The following KREMEN1 variants were observed in gnomAD, a reference collection of about 807,000 sequenced individuals.
The protein encoded by KREMEN1 is kringle containing transmembrane protein 1.
Under a neutral mutation model 46.5 loss-of-function variants are expected in KREMEN1, and 30 were observed. The ratio of observed to expected loss-of-function variants is 0.65; its 90% CI spans 0.48 to 0.88. KREMEN1 has a LOEUF of 0.88. KREMEN1 is among the 40% of genes least tolerant of loss of function. KREMEN1 has a pLI of 0.00. For synonymous variants in KREMEN1, 214 were observed against 230.6 expected, an observed-to-expected ratio of 0.93 and a Z score of 0.65; for missense variants, 533 against 596.9, an observed-to-expected ratio of 0.89 and a Z score of 1.11.
At chr22:29,121,223 T>C in intron 3 of KREMEN1, 134 bp from the exon 4 acceptor site, 1 of 969,966 alleles carries the variant, frequency 1.0e-6, no homozygotes, top group Admixed American at 2.5e-5. Context: ...TCAAAGCTGG[T>C]TGCTTGTTGT....
At position 29,073,281 on chromosome 22, in the gene KREMEN1, C is replaced by A. The variant is rs1458083492; in HGVS notation, c.97+54C>A. 9.9e-6 allele frequency: 8 copies of A among 806,512 alleles called. No individual in the cohort carries two copies. Among genetic ancestry groups the A allele is most frequent in the Admixed American group, 4.9e-5 (1 of 20,454 alleles). 50.0% of individuals were successfully genotyped at this position (806,512 alleles called of 1,614,324 possible). A position where few individuals can be genotyped will look rare whatever the true frequency, so the allele number is the denominator to read the frequency against. Reference sequence around the variant, plus strand: ...CCCTGAGCGGAGCCCACTCGAGGGGCGACAAGGGCCGGCCGGCCTGAGAGC... The same window carrying A: ...CCCTGAGCGGAGCCCACTCGAGGGGAGACAAGGGCCGGCCGGCCTGAGAGC... On this transcript the variant is annotated intron_variant, in intron 1 of 8. Transcript: ENST00000400335. This position sits in a 1 kb window ranked among gnomAD's most constrained non-coding sequence, Gnocchi z 4.4.
At chr22:29,114,538 C>T (rs1022642524) in intron 3 of KREMEN1, among the ~76,000 whole-genome samples, 2 of 151,042 alleles carry the variant, frequency 1.3e-5, no homozygotes, top group Admixed American at 6.6e-5. Context: ...CTACATCTCC[C>T]TCTGCCATGT....
At chr22:29,124,567 A>G (rs993173639) in intron 4 of KREMEN1, among the ~76,000 whole-genome samples, 6 of 151,152 alleles carry the variant, frequency 4.0e-5, no homozygotes, top group African/African-American at 1.5e-4. Context: ...GTCTCGGCTC[A>G]CTGCAACATC....
rs147052767 is a variant in KREMEN1 at position 29,121,806 on chromosome 22, C to T, written c.477+325C>T. ...CTATACCAATAACCACTGAAATATA[C>T]ACTGAAACAGTGAATGTTATGTTAT... On this transcript the variant is annotated intron_variant, in intron 4 of 8. Coordinates refer to ENST00000400335, the MANE Select transcript of KREMEN1 (RefSeq NM_001039570.3). 1.5e-3 allele frequency among the ~76,000 whole-genome samples: 223 copies of T among 152,290 alleles called. 2 individuals are homozygous for T. Among genetic ancestry groups the T allele is most frequent in the African/African-American group, 5.2e-3 (216 of 41,556 alleles).
At chr22:29,083,348 CT>C (rs2037685495) in intron 1 of KREMEN1, among the ~76,000 whole-genome samples, 1 of 152,162 alleles carries the variant, frequency 6.6e-6, no homozygotes, top group Non-Finnish European at 1.5e-5. Context: ...GAGTCAGTGA[CT>C]TTTGACTATT....
intron 3 of KREMEN1, among the ~76,000 whole-genome samples, chr22:29,102,174 C>CTTGTGTA (rs1428547094): frequency 6.6e-6 from 1 of 152,172 alleles, no homozygotes; most frequent in Non-Finnish European, 1.5e-5. Flanking sequence ...TGTATGGGAT[C>CTTGTGTA]TGGCAACCCT....
intron 3 of KREMEN1, among the ~76,000 whole-genome samples, chr22:29,104,309 A>T (rs1157854569): frequency 6.6e-6 from 1 of 152,076 alleles, no homozygotes. Context: ...GGCACATGCC[A>T]TCACACCTGG....
intron 1 of KREMEN1, among the ~76,000 whole-genome samples, chr22:29,074,267 A>C (rs1490023639): frequency 6.6e-6 from 1 of 152,226 alleles, no homozygotes; most frequent in Non-Finnish European, 1.5e-5. Context: ...CCTATGACTC[A>C]GGTGATGGCG....
At chr22:29,126,043 T>C (rs893957638) in intron 5 of KREMEN1, among the ~76,000 whole-genome samples, 23 of 151,626 alleles carry the variant, frequency 1.5e-4, no homozygotes, top group Non-Finnish European at 2.8e-4. Flanking sequence ...ACCAGCATCC[T>C]CTCAGTGGCA....
chr22:29,089,025 C>G (rs1360398459), intron 1 of KREMEN1, among the ~76,000 whole-genome samples: 1 of 152,212 alleles, frequency 6.6e-6, no homozygotes. Flanking sequence ...TCTCAGTCAT[C>G]ATTGCCAAGT....
chr22:29,136,549 TGGGAGACAGACGGA>T (rs1315950103), intron 5 of KREMEN1, among the ~76,000 whole-genome samples: 1 of 148,350 alleles, frequency 6.7e-6, no homozygotes, highest in Admixed American at 6.7e-5. Context: ...CACTCCAGCC[TGGGAGACAGACGGA>T]GACTCCTTCT....
intron 4 of KREMEN1, 73 bp downstream of exon 4, chr22:29,121,554 A>T (rs921921687): frequency 2.6e-6 from 4 of 1,515,882 alleles, no homozygotes; most frequent in Non-Finnish European, 3.6e-6. Context: ...ATAACTTAAA[A>T]ATAAGTGCTA....
chr22:29,165,267 C>T (rs577786044), intron 9 of KREMEN1, among the ~76,000 whole-genome samples: 7 of 151,962 alleles, frequency 4.6e-5, no homozygotes, highest in Non-Finnish European at 7.4e-5. Flanking sequence ...AAAAATAGCC[C>T]GATGTGGTAG....
intron 3 of KREMEN1, among the ~76,000 whole-genome samples, chr22:29,115,972 G>A (rs2145801715): frequency 6.6e-6 from 1 of 152,286 alleles, no homozygotes; most frequent in East Asian, 1.9e-4. Context: ...AGGAGCAGCA[G>A]CAGTGTACCA....
downstream of KREMEN1, among the ~76,000 whole-genome samples, chr22:29,148,697 C>T (rs955211234): frequency 6.6e-6 from 1 of 151,994 alleles, no homozygotes; most frequent in Admixed American, 6.6e-5. Flanking sequence ...TCAGGTGATC[C>T]GCCCGCCTCG....
At chr22:29,102,653 G>C (rs1259467376) in intron 3 of KREMEN1, among the ~76,000 whole-genome samples, 1 of 152,172 alleles carries the variant, frequency 6.6e-6, no homozygotes, top group East Asian at 1.9e-4. Context: ...GGTTCCAGAA[G>C]AAAGAATTAT....
intron 3 of KREMEN1, among the ~76,000 whole-genome samples, chr22:29,114,055 A>G (rs1469143197): frequency 6.7e-6 from 1 of 149,628 alleles, no homozygotes; most frequent in African/African-American, 2.5e-5. Context: ...TCCCCCACCC[A>G]CCCCCACCAT....
Position 29,140,366 on chromosome 22 carries a change from A to G in KREMEN1, c.1208A>G (p.Lys403Arg). 6.2e-7 allele frequency: 1 copy of G among 1,609,280 alleles called. No homozygotes were observed. Among genetic ancestry groups the G allele is most frequent in the South Asian group, 1.1e-5 (1 of 90,974 alleles). ...AAGATACTTCTGCACGTCACATTCA[A>G]GTGAGTACAAGAGGGAGCTGCCCAA... ...VAKILLHVTF[K>R]SHRVPASGDL... The change falls in exon 8 of 9, where the codon AAA becomes AGA. Residue 403 changes from lysine to arginine, a missense_variant and splice_region_variant. Coordinates refer to ENST00000400335, the MANE Select transcript of KREMEN1 (RefSeq NM_001039570.3).
rs16987164 is a variant in KREMEN1 at position 29,144,600 on chromosome 22, A to G, written c.*2488A>G. ...TCCAAGCTATTCATGCTGTTTGTGG[A>G]ATCTCTCTCAAACATAAGTGTCAGG... On this transcript the variant is annotated 3_prime_UTR_variant, in exon 9 of 9. Coordinates refer to ENST00000400335, the MANE Select transcript of KREMEN1 (RefSeq NM_001039570.3). 0.013 allele frequency: 12,545 copies of G among 985,492 alleles called. 384 individuals are homozygous for G. The East Asian group carries it at 0.14, about 11-fold the overall frequency. 61.0% of individuals were successfully genotyped at this position (985,492 alleles called of 1,614,324 possible). A position where few individuals can be genotyped will look rare whatever the true frequency, so the allele number is the denominator to read the frequency against.
Sources: allele counts gnomAD v4.1 joint callset (sites outside exome capture counted in the v4.1 genomes callset), GRCh38; gene constraint gnomAD v4.1.1; non-coding constraint Gnocchi (gnomAD v3.1); transcripts MANE v1.5; gene names NCBI Gene and HGNC (gene_info 2026-07-23, HGNC 2026-07-21).